TCF20: variants seen among roughly 807,000 people sequenced by gnomAD.
The protein encoded by TCF20 is SPRE-binding protein.
A neutral mutation model predicts 148.6 loss-of-function variants in TCF20; 3 were observed. The ratio of observed to expected loss-of-function variants is 0.02; its 90% CI spans 0.01 to 0.05. The LOEUF (loss-of-function observed/expected upper bound fraction) is 0.05. TCF20 is among the 10% of genes least tolerant of loss of function. The pLI is 1.00. For synonymous variants in TCF20, 1,049 were observed against 909.5 expected (o/e 1.15, Z -2.76); for missense variants, 2,350 against 2,429.3 (o/e 0.97, Z 0.69).
At position 42,212,250 on chromosome 22, in the gene TCF20, G is replaced by A. The variant is rs779484418; in HGVS notation, c.3056C>T (p.Ser1019Phe). ...CCCTGGGCCTCTGCTCCGCCCAGGA[G>A]ACATTTTCAATTTTTCTGCAAAGTC... ...YHDFAEKLKM[S>F]PGRSRGPGGD... Residue 1019 changes from serine (S) to phenylalanine (F), a missense_variant, in exon 2 of 6, where the codon TCT (serine) becomes TTT (phenylalanine). By Grantham distance (155) the Ser-to-Phe change is radical (BLOSUM62 -2). Around this residue, in one of 7 missense-constraint regions of TCF20, gnomAD observed 1,641 missense variants for 1,662.6 expected, o/e 0.99. Transcript: ENST00000677622. 1.2e-5 allele frequency: 20 copies of A among 1,614,098 alleles called. No homozygotes were observed. Among genetic ancestry groups the A allele is most frequent in the Non-Finnish European group, 1.7e-5 (20 of 1,180,058 alleles).
intron 4 of TCF20, 90 bp from the exon 5 acceptor site, chr22:42,168,826 T>C (rs894881014): frequency 9.0e-6 from 13 of 1,438,828 alleles, no homozygotes; most frequent in Non-Finnish European, 1.2e-5. Flanking sequence ...GAGTGGCACA[T>C]GGAAAAGGAA....
At chr22:42,280,881 T>C (rs746048056) in intron 1 of TCF20, among the ~76,000 whole-genome samples, 1 of 152,200 alleles carries the variant, frequency 6.6e-6, no homozygotes, top group Non-Finnish European at 1.5e-5. Flanking sequence ...GTATTATTAT[T>C]ACCCAAGAAC....
At chr22:42,191,233 A>C (rs1937318063) in intron 2 of TCF20, among the ~76,000 whole-genome samples, 1 of 152,224 alleles carries the variant, frequency 6.6e-6, no homozygotes, top group Non-Finnish European at 1.5e-5. Context: ...CACAGGTGTC[A>C]CTAATGATGT....
intron 3 of TCF20, 96 bp downstream of exon 3, chr22:42,179,513 A>G: frequency 1.3e-6 from 1 of 770,284 alleles, no homozygotes; most frequent in Non-Finnish European, 2.0e-6. Context: ...AAAAAAAAAG[A>G]AAAGAAAAGA....
intron 1 of TCF20, among the ~76,000 whole-genome samples, chr22:42,242,217 A>AAAAAAAAAAAC (rs1397304440): frequency 5.3e-5 from 8 of 149,802 alleles, no homozygotes; most frequent in East Asian, 1.9e-4. Flanking sequence ...AAAAAAAAAA[A>AAAAAAAAAAAC]AAAAAAAAAA....
intron 3 of TCF20, 99 bp downstream of exon 3, chr22:42,179,510 A>G (rs1186842811): frequency 3.3e-5 from 24 of 734,954 alleles, no homozygotes; most frequent in Non-Finnish European, 4.1e-5. Flanking sequence ...AAAAAAAAAA[A>G]AGAAAAGAAA....
chr22:42,183,592 T>C (rs373111731), intron 2 of TCF20, among the ~76,000 whole-genome samples: 4 of 152,232 alleles, frequency 2.6e-5, no homozygotes, highest in South Asian at 4.1e-4. Flanking sequence ...TCTGGACTTT[T>C]CCAAAGCCCA....
chr22:42,191,878 C>T (rs572739880), intron 2 of TCF20, among the ~76,000 whole-genome samples: 37 of 152,178 alleles, frequency 2.4e-4, no homozygotes, highest in African/African-American at 7.0e-4. Flanking sequence ...AGGAGACCTG[C>T]GGCAGCCCTG....
intron 1 of TCF20, among the ~76,000 whole-genome samples, chr22:42,248,454 T>C (rs1185733072): frequency 6.6e-6 from 1 of 152,150 alleles, no homozygotes; most frequent in African/African-American, 2.4e-5. Context: ...AATTAAATAA[T>C]GAATATAAAA....
At chr22:42,313,041 T>C (rs369516125) in intron 1 of TCF20, among the ~76,000 whole-genome samples, 6 of 152,200 alleles carry the variant, frequency 3.9e-5, no homozygotes, top group African/African-American at 1.2e-4. Context: ...CTCCCCAGCC[T>C]GAGTCACACC....
intron 2 of TCF20, among the ~76,000 whole-genome samples, chr22:42,194,078 C>T (rs1937475683): frequency 6.6e-6 from 1 of 152,154 alleles, no homozygotes; most frequent in African/African-American, 2.4e-5. Context: ...AAGGCAACAA[C>T]TGGGTGTTTG....
intron 1 of TCF20, among the ~76,000 whole-genome samples, chr22:42,261,922 C>T (rs1305868126): frequency 2.0e-5 from 3 of 152,066 alleles, no homozygotes; most frequent in Non-Finnish European, 4.4e-5. Flanking sequence ...ACCTGGGAGG[C>T]GGAGGTTGCA....
At chr22:42,328,269 C>A (rs1927909479) in intron 1 of TCF20, among the ~76,000 whole-genome samples, 1 of 152,200 alleles carries the variant, frequency 6.6e-6, no homozygotes, top group Non-Finnish European at 1.5e-5. Flanking sequence ...CTGCAGGGCC[C>A]AGCTCTCTGC....
intron 2 of TCF20, among the ~76,000 whole-genome samples, chr22:42,196,749 C>T (rs866402101): frequency 1.3e-5 from 2 of 149,870 alleles, no homozygotes; most frequent in Admixed American, 1.3e-4. Flanking sequence ...CCACTAGCTG[C>T]TCCGTGAGAA....
chr22:42,190,459 G>GAC (rs34881449), intron 2 of TCF20, among the ~76,000 whole-genome samples: 87,063 of 149,306 alleles, frequency 0.58, 26,669 homozygotes, highest in Non-Finnish European at 0.7. Flanking sequence ...GACCTTGACT[G>GAC]ACACACACAC....
At chr22:42,161,392 A>T (rs1395886740) in intron 5 of TCF20, 34 bp from the exon 6 acceptor site, 1 of 1,613,806 alleles carries the variant, frequency 6.2e-7, no homozygotes, top group South Asian at 1.1e-5. Context: ...GAAGGCCAGG[A>T]GCCTCCACAG....
At chr22:42,313,684 C>T (rs559437002) in intron 1 of TCF20, among the ~76,000 whole-genome samples, 29 of 150,656 alleles carry the variant, frequency 1.9e-4, no homozygotes, top group Non-Finnish European at 3.4e-4. Flanking sequence ...ACTGCAACCT[C>T]CACCTCCTGT....
chr22:42,183,173 G>A (rs956055770), intron 2 of TCF20, among the ~76,000 whole-genome samples: 3 of 152,184 alleles, frequency 2.0e-5, no homozygotes, highest in Admixed American at 6.5e-5. Flanking sequence ...AAGAAACCCA[G>A]AGAGACACAA....
At position 42,338,508 on chromosome 22, in the gene TCF20, C is replaced by T. The variant is rs1194635021; in HGVS notation, c.-37+4971G>A. ...CACTCGGCCAATCCCGAAGAGCTCG[C>T]TCAGGGGCTGCGAGTGGAAGGGCTG... On this transcript the variant is annotated intron_variant, in intron 1 of 1. Transcript: ENST00000515426. This position sits in a 1 kb window ranked among gnomAD's most constrained non-coding sequence, Gnocchi z 4.0. Among the ~76,000 whole-genome samples the T allele has an allele frequency of 6.6e-6, 1 of 152,230 alleles. No individual in the cohort carries two copies.
Sources: gnomAD v4.1 joint callset for allele counts (sites outside exome capture counted in the v4.1 genomes callset) on GRCh38, gnomAD v4.1.1 for gene constraint, gnomAD v4.1.1 regional missense constraint, Gnocchi (gnomAD v3.1) non-coding constraint, MANE v1.5 for transcripts, NCBI Gene and HGNC (gene_info 2026-07-23, HGNC 2026-07-21) for gene names.